The following COL25A1 variants were observed in gnomAD, a reference collection of about 807,000 sequenced individuals.
COL25A1 encodes collagen type XXV alpha 1 chain, also known as collagen alpha-1(XXV) chain.
COL25A1 carries 103 observed loss-of-function variants against 128.4 expected under a neutral mutation model. That is an observed-to-expected ratio of 0.80 (90% CI 0.68 to 0.94). COL25A1 has a LOEUF of 0.94. Ranked by LOEUF, COL25A1 falls within the 40% of genes least tolerant of loss-of-function variation. The probability of loss-of-function intolerance (pLI) is 0.00; values close to 1 mark genes in which losing one functional copy is unlikely to be tolerated. For missense variants in COL25A1, 745 were observed against 840.0 expected (o/e 0.89, Z 1.40); for synonymous variants, 279 against 277.2 (o/e 1.01, Z -0.06).
intron 3 of COL25A1, among the ~76,000 whole-genome samples, chr4:109,236,016 G>A (rs963229022): frequency 2.6e-5 from 4 of 151,868 alleles, no homozygotes; most frequent in African/African-American, 4.8e-5. Flanking sequence ...TGCTTAATAC[G>A]TAATACTGAT....
intron 3 of COL25A1, among the ~76,000 whole-genome samples, chr4:109,100,840 T>C (rs907057423): frequency 5.3e-5 from 8 of 152,114 alleles, no homozygotes; most frequent in Non-Finnish European, 8.8e-5. Context: ...CCAAAGACAG[T>C]GAAATACTCC....
At chr4:108,949,691 G>A (rs940716742) in intron 8 of COL25A1, among the ~76,000 whole-genome samples, 5 of 151,094 alleles carry the variant, frequency 3.3e-5, no homozygotes, top group African/African-American at 9.8e-5. Context: ...GTGCCACCAC[G>A]CCTGCTAATT....
At chr4:109,222,055 ACTT>A (rs1203525652) in intron 3 of COL25A1, among the ~76,000 whole-genome samples, 13 of 122,546 alleles carry the variant, frequency 1.1e-4, no homozygotes, top group Non-Finnish European at 1.1e-4. Flanking sequence ...GCTCTAAATA[ACTT>A]CTTTTTTTTT....
intron 5 of COL25A1, among the ~76,000 whole-genome samples, chr4:109,011,119 G>T (rs1447264435): frequency 6.6e-6 from 1 of 152,188 alleles, no homozygotes; most frequent in Non-Finnish European, 1.5e-5. Context: ...GTGAATAAAA[G>T]TATGGATTTC....
At chr4:108,972,349 A>G (rs1368240036) in intron 8 of COL25A1, among the ~76,000 whole-genome samples, 2 of 152,186 alleles carry the variant, frequency 1.3e-5, no homozygotes, top group African/African-American at 2.4e-5. Flanking sequence ...GGTAAAATTA[A>G]TTTTCATTAA....
rs1405217051 is a variant in COL25A1, at chr4:109,059,203, G to T, written c.368-9024C>A. On this transcript the variant is annotated intron_variant, in intron 3 of 37. Transcript: ENST00000399132. ...CTGGGCTAAGCACTGTACATGCTTG[G>T]TCTCACTTATTTTTCCTAGTTGTGT... 1.3e-5 allele frequency among the ~76,000 whole-genome samples: 2 copies of T among 152,194 alleles called. 1 individual carries two copies. Among genetic ancestry groups the T allele is most frequent in the South Asian group, 4.1e-4 (2 of 4,826 alleles).
At chr4:108,965,957 A>G (rs1390772315) in intron 8 of COL25A1, among the ~76,000 whole-genome samples, 2 of 152,358 alleles carry the variant, frequency 1.3e-5, no homozygotes, top group East Asian at 3.9e-4. Context: ...ACTAATAGCA[A>G]GTATAAGCAA....
At chr4:109,045,154 G>T (rs1032355062) in intron 5 of COL25A1, among the ~76,000 whole-genome samples, 1 of 152,078 alleles carries the variant, frequency 6.6e-6, no homozygotes, top group Admixed American at 6.6e-5. Flanking sequence ...CTAGCTTATT[G>T]TAAGAATGCA....
chr4:109,132,462 C>T (rs1224954360), intron 3 of COL25A1, among the ~76,000 whole-genome samples: 1 of 151,996 alleles, frequency 6.6e-6, no homozygotes, highest in Non-Finnish European at 1.5e-5. Flanking sequence ...TCACTTTAAT[C>T]CTGACAATAT....
intron 3 of COL25A1, among the ~76,000 whole-genome samples, chr4:109,273,283 A>C (rs745366648): frequency 6.6e-6 from 1 of 152,208 alleles, no homozygotes; most frequent in Non-Finnish European, 1.5e-5. Context: ...AAAAGTAATG[A>C]GATTTTTTAT....
At chr4:109,093,558 G>T (rs9993559) in intron 3 of COL25A1, among the ~76,000 whole-genome samples, 1 of 151,858 alleles carries the variant, frequency 6.6e-6, no homozygotes, top group African/African-American at 2.4e-5. Flanking sequence ...GATTGCCTGA[G>T]CCCAGGAGTC....
At chr4:108,884,715 T>C (rs948890440) in intron 18 of COL25A1, among the ~76,000 whole-genome samples, 2 of 152,192 alleles carry the variant, frequency 1.3e-5, no homozygotes, top group African/African-American at 4.8e-5. Context: ...TAGTAAGCTT[T>C]CCTTTTCATT....
rs537186224 is a variant in COL25A1, at chr4:108,835,102, C to T, written c.1657-2669G>A. ...CCTTCAAATAATCTTTGCATCAAAG[C>T]CTGATGGGGGAAATAACTTTAAAAA... is the stretch of plus-strand genomic sequence containing the variant. On this transcript the variant is annotated intron_variant, in intron 31 of 37. Transcript: ENST00000399132. Among the ~76,000 whole-genome samples, 3 of 152,304 alleles carry T rather than the reference C, an allele frequency of 2.0e-5. No individual in the cohort carries two copies. The South Asian group carries it at 6.2e-4, about 32-fold the overall frequency.
At chr4:108,837,322 A>T (rs1052369887) in intron 31 of COL25A1, among the ~76,000 whole-genome samples, 2 of 152,164 alleles carry the variant, frequency 1.3e-5, no homozygotes, top group East Asian at 3.9e-4. Flanking sequence ...TACTAATGTA[A>T]TCTATATTGT....
intron 19 of COL25A1, among the ~76,000 whole-genome samples, chr4:108,871,079 A>G (rs1216637161): frequency 6.6e-6 from 1 of 152,218 alleles, no homozygotes; most frequent in African/African-American, 2.4e-5. Flanking sequence ...AAACAAATAA[A>G]TAGGGCTTTG....
In COL25A1 at chr4:109,152,743, G is replaced by A. The variant is rs368753059; in HGVS notation, c.368-102564C>T. Among the ~76,000 whole-genome samples the A allele has an allele frequency of 1.6e-4, 24 of 152,144 alleles. No individual in the cohort carries two copies. In the East Asian group the frequency reaches 3.5e-3, roughly 22 times the overall value. ...ACACAGATGAAACTTAAAGACATAC[G>A]GCTAAGTAAAATAAGCCAATCACAA... On this transcript the variant is annotated intron_variant, in intron 3 of 37. Coordinates refer to ENST00000399132, the MANE Select transcript of COL25A1 (RefSeq NM_198721.4).
chr4:108,974,459 T>A, intron 7 of COL25A1, 66 bp from the exon 8 acceptor site: 1 of 1,608,280 alleles, frequency 6.2e-7, no homozygotes, highest in African/African-American at 1.3e-5. Flanking sequence ...ATTAAAAAGA[T>A]CAAAATGTAA....
At chr4:108,860,108 A>G (rs1737000630) in intron 23 of COL25A1, among the ~76,000 whole-genome samples, 1 of 152,064 alleles carries the variant, frequency 6.6e-6, no homozygotes, top group South Asian at 2.1e-4. Flanking sequence ...TACCTCATAC[A>G]TTGCTTCCTC....
At chr4:109,117,584 G>A (rs1767721988) in intron 3 of COL25A1, among the ~76,000 whole-genome samples, 1 of 151,958 alleles carries the variant, frequency 6.6e-6, no homozygotes, top group African/African-American at 2.4e-5. Context: ...GAATGACTAA[G>A]TGAAAGTAAA....
Sources: allele counts gnomAD v4.1 joint callset (sites outside exome capture counted in the v4.1 genomes callset), GRCh38; gene constraint gnomAD v4.1.1; transcripts MANE v1.5; gene names NCBI Gene and HGNC (gene_info 2026-07-23, HGNC 2026-07-21).